TMEM114: variants seen among roughly 807,000 people sequenced by gnomAD.
The protein encoded by TMEM114 is transmembrane protein 114.
TMEM114 carries 6 observed loss-of-function variants against 6.2 expected under a neutral mutation model. The observed-to-expected ratio is 0.97, with a 90% CI of 0.53 to 1.91. TMEM114 has a LOEUF of 1.91. TMEM114 is among the 40% of genes most tolerant of loss of function. TMEM114 has a pLI of 0.01. For synonymous variants in TMEM114, 104 were observed against 73.0 expected (o/e 1.42, Z -2.16); for missense variants, 218 against 158.3 (o/e 1.38, Z -2.02).
intron 2 of TMEM114, among the ~76,000 whole-genome samples, chr16:8,558,140 C>A (rs557669678): frequency 2.4e-4 from 37 of 152,220 alleles, no homozygotes; most frequent in African/African-American, 8.4e-4. Flanking sequence ...GTAATCCCAG[C>A]TACTAGGGAG....
At chr16:8,553,344 GA>G (rs1567198193) in intron 2 of TMEM114, among the ~76,000 whole-genome samples, 3 of 152,174 alleles carry the variant, frequency 2.0e-5, no homozygotes, top group Non-Finnish European at 4.4e-5. Context: ...AGTCTTTCAG[GA>G]GAACGAAAAT....
At chr16:8,563,699 T>TAGTGAATGAGTG (rs1225035252) in intron 2 of TMEM114, among the ~76,000 whole-genome samples, 13 of 136,954 alleles carry the variant, frequency 9.5e-5, no homozygotes, top group African/African-American at 2.0e-4. Context: ...ATGAGTGAGT[T>TAGTGAATGAGTG]AGTGAATGAG....
At chr16:8,526,687 C>G in the TMEM114 span, 15 of 152,288 alleles carry the variant, frequency 9.8e-5, no homozygotes, top group African/African-American at 2.7e-4. Flanking sequence ...GCCTGCAGAA[C>G]AGGGAGACAA....
In TMEM114 at chr16:8,552,974, A is replaced by G. The variant is rs550448734; in HGVS notation, n.213-15148T>C. On this transcript the variant is annotated intron_variant and non_coding_transcript_variant, in intron 2 of 2. Coordinates refer to the TMEM114 transcript ENST00000623677. ...TTTAAACTTTCCCCGAGTGATCTCC[A>G]TCCTTTTATCCAGGTCCTTTGATGG... is the stretch of plus-strand genomic sequence containing the variant. Among the ~76,000 whole-genome samples the G allele has an allele frequency of 2.0e-5, 3 of 152,292 alleles. No homozygotes were observed. The South Asian group carries it at 6.2e-4, about 32-fold the overall frequency.
At chr16:8,531,089 T>G in the TMEM114 span, among the ~76,000 whole-genome samples, 15 of 152,120 alleles carry the variant, frequency 9.9e-5, no homozygotes, top group Non-Finnish European at 1.8e-4. Flanking sequence ...GGGAGGCCCA[T>G]TGCAGCCTTT....
downstream of TMEM114, among the ~76,000 whole-genome samples, chr16:8,534,223 G>A (rs759796065): frequency 6.6e-6 from 1 of 152,152 alleles, no homozygotes; most frequent in Non-Finnish European, 1.5e-5. Context: ...AGGATGTGCC[G>A]GACAAAACTG....
intron 2 of TMEM114, among the ~76,000 whole-genome samples, chr16:8,585,543 T>C (rs1262600285): frequency 6.6e-6 from 1 of 151,692 alleles, no homozygotes; most frequent in Non-Finnish European, 1.5e-5. Context: ...CTGCAGCAGG[T>C]CCTTAAAGGA....
chr16:8,558,988 C>G (rs182382632), intron 2 of TMEM114, among the ~76,000 whole-genome samples: 6 of 151,800 alleles, frequency 4.0e-5, no homozygotes, highest in African/African-American at 1.5e-4. Context: ...TGTAATCCAC[C>G]CACCTCAGCC....
chr16:8,569,146 G>A (rs1414459798), downstream of TMEM114, among the ~76,000 whole-genome samples: 3 of 152,178 alleles, frequency 2.0e-5, no homozygotes, highest in Non-Finnish European at 4.4e-5. Flanking sequence ...CCATTCCCAG[G>A]GGCAGAACAC....
chr16:8,589,256 C>T lies in TMEM114; in HGVS notation c.258G>A (p.Arg86=). 1 of 398,926 alleles carries T rather than the reference C, an allele frequency of 2.5e-6. No homozygotes were observed. Among genetic ancestry groups the T allele is most frequent in the Non-Finnish European group, 4.4e-6 (1 of 226,320 alleles). 24.7% of individuals were successfully genotyped at this position (398,926 alleles called of 1,614,324 possible). A position where few individuals can be genotyped will look rare whatever the true frequency, so the allele number is the denominator to read the frequency against. ...ATTCGCTGACTGTCACGTTCTCCAG[C>T]CTGAAGGGGTTCATCAGCGGTGTGC... ...SPCTPLMNPF[R]LENVTVSESS... The change falls in exon 2 of 4, where the codon AGG becomes AGA. Residue 86 remains arginine, a synonymous_variant. Coordinates refer to ENST00000620492, the MANE Select transcript of TMEM114 (RefSeq NM_001146336.2).
intron 2 of TMEM114, among the ~76,000 whole-genome samples, chr16:8,561,374 C>A (rs62020600): frequency 6.6e-6 from 1 of 152,350 alleles, no homozygotes; most frequent in South Asian, 2.1e-4. Flanking sequence ...TTCTCCCCAT[C>A]TGCTTTACAG....
chr16:8,548,869 C>T (rs1235373543), intron 2 of TMEM114, among the ~76,000 whole-genome samples: 3 of 152,026 alleles, frequency 2.0e-5, no homozygotes, highest in Non-Finnish European at 4.4e-5. Context: ...GAGAGAGATC[C>T]AGTTGTTGCC....
chr16:8,546,284 C>A (rs1157118640), intron 2 of TMEM114, among the ~76,000 whole-genome samples: 3 of 152,110 alleles, frequency 2.0e-5, no homozygotes, highest in Non-Finnish European at 4.4e-5. Flanking sequence ...AGTAAATCAA[C>A]ACATATAATT....
intron 2 of TMEM114, among the ~76,000 whole-genome samples, chr16:8,563,630 T>C (rs935293220): frequency 2.0e-5 from 3 of 146,682 alleles, no homozygotes; most frequent in Non-Finnish European, 4.4e-5. Context: ...AATGAGTGAG[T>C]GAATGAGTAA....
intron 2 of TMEM114, among the ~76,000 whole-genome samples, chr16:8,578,206 G>C (rs1472746219): frequency 1.3e-5 from 2 of 152,142 alleles, no homozygotes; most frequent in South Asian, 2.1e-4. Context: ...ACACATGAAG[G>C]CAAACTGGGT....
At chr16:8,570,682 C>A (rs989956557) in intron 3 of TMEM114, among the ~76,000 whole-genome samples, 7 of 152,152 alleles carry the variant, frequency 4.6e-5, no homozygotes, top group African/African-American at 1.7e-4. Flanking sequence ...GGCAGACATG[C>A]TCCTGTTGGT....
At chr16:8,549,696 G>T (rs1028651614) in intron 2 of TMEM114, among the ~76,000 whole-genome samples, 3 of 151,972 alleles carry the variant, frequency 2.0e-5, no homozygotes, top group Non-Finnish European at 2.9e-5. Flanking sequence ...TTGTATGCGG[G>T]GTTCTGTGTC....
chr16:8,554,433 C>G (rs896916104), intron 2 of TMEM114, among the ~76,000 whole-genome samples: 14 of 152,140 alleles, frequency 9.2e-5, no homozygotes, highest in African/African-American at 2.9e-4. Flanking sequence ...AAATGAGGCA[C>G]CATTGCTGAC....
At chr16:8,551,540 C>T (rs77103610) in intron 2 of TMEM114, among the ~76,000 whole-genome samples, 4,177 of 152,282 alleles carry the variant, frequency 0.027, 196 homozygotes, top group African/African-American at 0.096. Context: ...ACTCAACTTC[C>T]TGTGGCCAAA....
Sources: gnomAD v4.1 joint callset for allele counts (sites outside exome capture counted in the v4.1 genomes callset) on GRCh38, gnomAD v4.1.1 for gene constraint, MANE v1.5 for transcripts, NCBI Gene and HGNC (gene_info 2026-07-23, HGNC 2026-07-21) for gene names.